Variants in GRB2 observed in about 807,000 individuals in gnomAD.
The protein encoded by GRB2 is growth factor receptor bound protein 2, also known as growth factor receptor-bound protein 2.
Under a neutral mutation model 27.4 loss-of-function variants are expected in GRB2, and 2 were observed. That is an observed-to-expected ratio of 0.07 (90% CI 0.03 to 0.23). GRB2 has a LOEUF of 0.23. Ranked by LOEUF, GRB2 falls within the 10% of genes least tolerant of loss-of-function variation. GRB2 has a pLI of 1.00. For synonymous variants in GRB2, 94 were observed against 99.6 expected, an observed-to-expected ratio of 0.94 and a Z score of 0.33; for missense variants, 102 against 282.4, an observed-to-expected ratio of 0.36 and a Z score of 4.58.
chr17:75,379,831 A>C (rs2078916538), intron 2 of GRB2, among the ~76,000 whole-genome samples: 1 of 152,262 alleles, frequency 6.6e-6, no homozygotes, highest in Non-Finnish European at 1.5e-5. Flanking sequence ...TGGAGCTAAA[A>C]ATGCAGGAAA....
intron 2 of GRB2, among the ~76,000 whole-genome samples, chr17:75,383,128 C>A (rs965909649): frequency 1.3e-5 from 2 of 151,424 alleles, no homozygotes; most frequent in Non-Finnish European, 3.0e-5. Flanking sequence ...CTGAAATCGA[C>A]CTTAATATCC....
At chr17:75,332,631 A>G (rs2078548825) in intron 3 of GRB2, 69 bp downstream of exon 3, 1 of 876,722 alleles carries the variant, frequency 1.1e-6, no homozygotes, top group Admixed American at 2.1e-5. Flanking sequence ...AGTGATCTCA[A>G]TTTTAAAAAG....
intron 2 of GRB2, among the ~76,000 whole-genome samples, chr17:75,380,345 G>T (rs1440427822): frequency 1.4e-5 from 1 of 69,164 alleles, no homozygotes; most frequent in Non-Finnish European, 4.4e-5. Context: ...ATAGCTTGTA[G>T]TAAAAAAAAA....
At chr17:75,395,519 T>C (rs1417174839) in intron 1 of GRB2, among the ~76,000 whole-genome samples, 2 of 152,240 alleles carry the variant, frequency 1.3e-5, no homozygotes, top group East Asian at 3.8e-4. Flanking sequence ...ATTAAAAGGC[T>C]TATGAAAAAG....
intron 1 of GRB2, among the ~76,000 whole-genome samples, chr17:75,402,723 C>A (rs931469122): frequency 6.6e-6 from 1 of 152,062 alleles, no homozygotes; most frequent in Admixed American, 6.6e-5. Context: ...GATGCCTTAA[C>A]CAGATTTTAA....
At chr17:75,380,523 C>G (rs1030802115) in intron 2 of GRB2, among the ~76,000 whole-genome samples, 7 of 152,144 alleles carry the variant, frequency 4.6e-5, no homozygotes, top group African/African-American at 1.7e-4. Context: ...TTCTCAAAAG[C>G]TCTCAGCAGA....
intron 4 of GRB2, 95 bp downstream of exon 4, chr17:75,325,800 TCCA>T: frequency 8.0e-7 from 1 of 1,245,292 alleles, no homozygotes; most frequent in Non-Finnish European, 1.2e-6. Flanking sequence ...AGGCTAAGCC[TCCA>T]CCATTTTGTG....
At chr17:75,364,517 A>G (rs1397307726) in intron 2 of GRB2, among the ~76,000 whole-genome samples, 1 of 152,068 alleles carries the variant, frequency 6.6e-6, no homozygotes, top group Non-Finnish European at 1.5e-5. Context: ...CAAGTGGAAG[A>G]GGCAGGATCG....
At chr17:75,396,931 T>C (rs2079032428) in intron 1 of GRB2, among the ~76,000 whole-genome samples, 1 of 152,226 alleles carries the variant, frequency 6.6e-6, no homozygotes, top group Non-Finnish European at 1.5e-5. Context: ...TAAGCTTCTG[T>C]GTCATTCAGG....
chr17:75,353,813 C>T (rs926329805), intron 2 of GRB2, among the ~76,000 whole-genome samples: 10 of 151,474 alleles, frequency 6.6e-5, no homozygotes, highest in Non-Finnish European at 1.3e-4. Flanking sequence ...CCGAGGCAGG[C>T]GGATCATCTG....
rs2079012570 is a variant in GRB2, at chr17:75,393,700, G to A, written c.-72C>T. On this transcript the variant is annotated 5_prime_UTR_variant, in exon 2 of 6. Transcript: ENST00000316804. ...GTCTTCCCTGCTGAAGCAACCCAGC[G>A]CTCTGGGCTTAGCCTCGCCTCTCTT... 3 of 1,228,814 alleles carry A rather than the reference G, an allele frequency of 2.4e-6. No individual in the cohort carries two copies. The African/African-American group carries it at 4.4e-5, about 18-fold the overall frequency. The allele number at this position is 1,228,814 out of a possible 1,614,324, so 76.1% of individuals were successfully genotyped here.
At chr17:75,385,810 C>T (rs183954969) in intron 2 of GRB2, among the ~76,000 whole-genome samples, 11 of 152,316 alleles carry the variant, frequency 7.2e-5, no homozygotes, top group East Asian at 5.8e-4. Context: ...TCCATTTAAA[C>T]GTTTCTCTGT....
rs907852970 is a variant in GRB2 at position 75,378,373 on chromosome 17, A to G, written c.78+15178T>C. Among the ~76,000 whole-genome samples the G allele has an allele frequency of 4.3e-4, 63 of 147,738 alleles. 1 individual carries two copies. Among genetic ancestry groups the G allele is most frequent in the Non-Finnish European group, 8.9e-5 (6 of 67,664 alleles). ...ATTTCAGCCTGGGCAACAGAGTGAG[A>G]CTGTCTCAAAAAACAAACAAACAAA... On this transcript the variant is annotated intron_variant, in intron 2 of 5. Coordinates refer to ENST00000316804, the MANE Select transcript of GRB2 (RefSeq NM_002086.5).
chr17:75,356,509 C>T (rs140234212), intron 2 of GRB2, among the ~76,000 whole-genome samples: 5 of 152,274 alleles, frequency 3.3e-5, no homozygotes, highest in Middle Eastern at 3.4e-3. Context: ...CCCTATCATT[C>T]GTTCTTTCAT....
chr17:75,333,770 T>C (rs968071253), intron 2 of GRB2, among the ~76,000 whole-genome samples: 2 of 152,184 alleles, frequency 1.3e-5, no homozygotes, highest in African/African-American at 4.8e-5. Flanking sequence ...GTATTAAAGT[T>C]AGATAGTGCT....
chr17:75,335,699 A>G (rs1198288274), intron 2 of GRB2, among the ~76,000 whole-genome samples: 1 of 152,226 alleles, frequency 6.6e-6, no homozygotes, highest in Non-Finnish European at 1.5e-5. Context: ...AAATATGTGT[A>G]GCAAACTCTC....
chr17:75,319,256 G>A lies in GRB2; in HGVS notation c.*1112C>T, dbSNP rs555057966. On this transcript the variant is annotated 3_prime_UTR_variant, in exon 6 of 6. Coordinates refer to ENST00000316804, the MANE Select transcript of GRB2 (RefSeq NM_002086.5). ...GAGGGAAAAATATTTACACAGAGTA[G>A]GAGACAAATTGGCTGAAAAGCTCTG... The A allele has an allele frequency of 4.6e-5, 7 of 151,496 alleles. No homozygotes were observed. The highest frequency in any genetic ancestry group is 1.0e-4 in the Non-Finnish European group (7 of 67,864). The allele number at this position is 151,496 out of a possible 1,614,324, so 9.4% of individuals were successfully genotyped here. A position where few individuals can be genotyped will look rare whatever the true frequency, so the allele number is the denominator to read the frequency against.
intron 1 of GRB2, 142 bp from the exon 2 acceptor site, chr17:75,393,907 C>G (rs368362900): frequency 3.8e-4 from 183 of 487,394 alleles, no homozygotes; most frequent in Non-Finnish European, 6.0e-4. Flanking sequence ...GCAACAGCCC[C>G]CCCCCGCCGA....
intron 2 of GRB2, among the ~76,000 whole-genome samples, chr17:75,350,698 T>C (rs1250272194): frequency 6.6e-6 from 1 of 152,124 alleles, no homozygotes; most frequent in African/African-American, 2.4e-5. Flanking sequence ...TTCACCGTGT[T>C]AGCCAGGATG....
Sources: allele counts gnomAD v4.1 joint callset (sites outside exome capture counted in the v4.1 genomes callset), GRCh38; gene constraint gnomAD v4.1.1; transcripts MANE v1.5; gene names NCBI Gene and HGNC (gene_info 2026-07-23, HGNC 2026-07-21).